Variants in MYOM2 observed in about 807,000 individuals in gnomAD.
MYOM2 encodes myomesin-2.
In MYOM2, 254 loss-of-function variants were observed where a neutral mutation model predicts 187.6. The ratio of observed to expected loss-of-function variants is 1.35; its 90% CI spans 1.22 to 1.50. The LOEUF is 1.50. Among genes scored for constraint, MYOM2 ranks in the 40% most tolerant of loss-of-function variants. MYOM2 has a pLI of 0.00. For missense variants in MYOM2, 2,796 were observed against 1,924.0 expected (o/e 1.45, Z -8.48); for synonymous variants, 981 against 753.8 (o/e 1.30, Z -4.94).
At chr8:2,131,223 C>T (rs1409878078) in intron 32 of MYOM2, among the ~76,000 whole-genome samples, 1 of 152,174 alleles carries the variant, frequency 6.6e-6, no homozygotes, top group Non-Finnish European at 1.5e-5. Flanking sequence ...CTTTGTGTTA[C>T]ACGTTCAACA....
intron 18 of MYOM2, chr8:2,097,173 T>C (rs1796523750): frequency 1.1e-6 from 1 of 889,756 alleles, no homozygotes; most frequent in Non-Finnish European, 1.3e-6. Context: ...CTAATCTTTG[T>C]CTACTAGAAA....
intron 13 of MYOM2, among the ~76,000 whole-genome samples, chr8:2,082,892 G>A (rs1181341193): frequency 6.6e-6 from 1 of 152,126 alleles, no homozygotes; most frequent in Non-Finnish European, 1.5e-5. Context: ...AATCTCCTGG[G>A]GAGGTTGTAG....
In MYOM2 at chr8:2,072,516, A is replaced by AGGACACGGCCC. The variant is rs779425628; in HGVS notation, c.958+8_958+18dup. 7 of 1,611,580 alleles carry AGGACACGGCCC rather than the reference A, an allele frequency of 4.3e-6. No homozygotes were observed. The highest frequency in any genetic ancestry group is 5.9e-6 in the Non-Finnish European group (7 of 1,179,640). The stretch of plus-strand genomic sequence containing the variant: ...GCCGAGTGGTACCGCGATGGTGAGT[A>AGGACACGGCCC]GGACACGGCCCAGACCCGGGCACAC... On this transcript the variant is annotated splice_region_variant and intron_variant, in intron 9 of 36. Transcript: ENST00000262113.
At chr8:2,085,515 GCC>G (rs67333717) in intron 14 of MYOM2, 125 bp downstream of exon 14, 8,404 of 771,716 alleles carry the variant, frequency 0.011, 822 homozygotes, top group Non-Finnish European at 0.014. Flanking sequence ...TCTCCGCGTG[GCC>G]CCCCACTGTT....
chr8:2,057,281 G>T (rs1162964043), intron 3 of MYOM2, 67 bp from the exon 4 acceptor site: 14 of 1,536,244 alleles, frequency 9.1e-6, no homozygotes, highest in Non-Finnish European at 1.2e-5. Flanking sequence ...TGCCCTTTCC[G>T]GCCTTCGGGG....
At chr8:2,117,404 T>C (rs1489503437) in intron 27 of MYOM2, among the ~76,000 whole-genome samples, 1 of 152,242 alleles carries the variant, frequency 6.6e-6, no homozygotes, top group Non-Finnish European at 1.5e-5. Flanking sequence ...TCTTTGATTT[T>C]GAATGCTATC....
At chr8:2,049,842 G>C (rs772185115) in intron 1 of MYOM2, among the ~76,000 whole-genome samples, 4 of 152,160 alleles carry the variant, frequency 2.6e-5, no homozygotes, top group African/African-American at 4.8e-5. Flanking sequence ...TCTAATACCT[G>C]TAATGCTGCA....
At chr8:2,067,612 C>T (rs1819060105) in intron 6 of MYOM2, among the ~76,000 whole-genome samples, 1 of 152,120 alleles carries the variant, frequency 6.6e-6, no homozygotes, top group Admixed American at 6.5e-5. Context: ...GTCTCCATTT[C>T]CTGGGGAAGC....
chr8:2,115,976 G>C lies in MYOM2; in HGVS notation c.3197G>C (p.Cys1066Ser). The change falls in exon 26 of 37, where the codon TGT becomes TCT. Residue 1066 changes from cysteine to serine, a missense_variant. Physicochemically the swap from Cys to Ser is moderately radical, Grantham distance 112 (BLOSUM62 -1). Transcript: ENST00000262113. The part of the protein sequence containing the change: ...VSDSEIHRIK[C>S]DKATGIIEMV... The stretch of plus-strand genomic sequence containing the variant: ...TGCTTGCAGATACACAGAATTAAAT[G>C]TGACAAAGCTACTGGCATTATTGAG... The C allele has an allele frequency of 6.2e-7, 1 of 1,613,590 alleles. No homozygotes were observed. The highest frequency in any genetic ancestry group is 8.5e-7 in the Non-Finnish European group (1 of 1,179,910).
intron 13 of MYOM2, among the ~76,000 whole-genome samples, chr8:2,080,582 C>G (rs1240847524): frequency 6.6e-6 from 1 of 152,210 alleles, no homozygotes; most frequent in Non-Finnish European, 1.5e-5. Flanking sequence ...GAAGGACACT[C>G]AATACATAAG....
At chr8:2,123,388 A>AGAC (rs71270475) in intron 29 of MYOM2, 23 bp downstream of exon 29, 1,138,527 of 1,567,266 alleles carry the variant, frequency 0.73, 415,085 homozygotes, top group Admixed American at 0.83. Context: ...GAGTAACACA[A>AGAC]GAAAGCAAAA....
intron 14 of MYOM2, among the ~76,000 whole-genome samples, chr8:2,086,442 C>CCCA (rs1796065487): frequency 2.8e-5 from 4 of 144,660 alleles, no homozygotes; most frequent in South Asian, 2.2e-4. Context: ...TGCGTGGCCC[C>CCCA]CTACTGTCGT....
rs369962856 is a variant in MYOM2 at position 2,106,412 on chromosome 8, G to C, written c.2891+14G>C. 1 of 1,612,850 alleles carries C rather than the reference G, an allele frequency of 6.2e-7. No homozygotes were observed. The highest frequency in any genetic ancestry group is 8.5e-7 in the Non-Finnish European group (1 of 1,179,002). On this transcript the variant is annotated intron_variant, in intron 22 of 36. Transcript: ENST00000262113. ...CGTGGGGGATCAGTAAGTGAGGCCT[G>C]GAAGTTGGATACTGGAAACTTTTAG...
intron 23 of MYOM2, among the ~76,000 whole-genome samples, chr8:2,107,904 T>C (rs58327665): frequency 0.051 from 7,809 of 152,268 alleles, 295 homozygotes; most frequent in East Asian, 0.18. Context: ...AAAGAAAAAA[T>C]TCCACCTTCT....
At chr8:2,137,700 C>G (rs1798130612) in intron 32 of MYOM2, among the ~76,000 whole-genome samples, 1 of 152,142 alleles carries the variant, frequency 6.6e-6, no homozygotes, top group South Asian at 2.1e-4. Flanking sequence ...GTTCCACATG[C>G]TTGTGGAACC....
At chr8:2,102,581 G>T in intron 20 of MYOM2, 86 bp from the exon 21 acceptor site, 3 of 755,750 alleles carry the variant, frequency 4.0e-6, no homozygotes, top group Non-Finnish European at 6.4e-6. Context: ...TTTTTGAAAA[G>T]GCCCTATTCA....
intron 8 of MYOM2, among the ~76,000 whole-genome samples, chr8:2,070,832 G>A (rs544268630): frequency 2.6e-5 from 4 of 152,176 alleles, no homozygotes; most frequent in African/African-American, 7.2e-5. Flanking sequence ...ATTGTACAGC[G>A]TACAGCTCAG....
intron 6 of MYOM2, among the ~76,000 whole-genome samples, chr8:2,067,610 T>C (rs889466944): frequency 3.3e-5 from 5 of 152,152 alleles, no homozygotes; most frequent in Admixed American, 6.5e-5. Context: ...TTGTCTCCAT[T>C]TCCTGGGGAA....
intron 13 of MYOM2, among the ~76,000 whole-genome samples, chr8:2,084,699 C>G (rs895461813): frequency 1.3e-5 from 2 of 152,150 alleles, no homozygotes; most frequent in Admixed American, 1.3e-4. Context: ...AACATCACTC[C>G]AGAATTCAAA....
Sources: allele counts gnomAD v4.1 joint callset (sites outside exome capture counted in the v4.1 genomes callset), GRCh38; gene constraint gnomAD v4.1.1; transcripts MANE v1.5; gene names NCBI Gene and HGNC (gene_info 2026-07-23, HGNC 2026-07-21).